Variants in GCSAML observed in about 807,000 individuals in gnomAD.
GCSAML encodes the protein germinal center-associated signaling and motility-like protein.
GCSAML carries 9 observed loss-of-function variants against 13.0 expected under a neutral mutation model. The ratio of observed to expected loss-of-function variants is 0.69; its 90% CI spans 0.42 to 1.21. The LOEUF is 1.21. Among genes scored for constraint, GCSAML ranks in the 50% most tolerant of loss-of-function variants. GCSAML has a pLI of 0.00. For synonymous variants in GCSAML, 37 were observed against 52.9 expected (o/e 0.70, Z 1.31); for missense variants, 143 against 153.4 (o/e 0.93, Z 0.36).
At chr1:247,545,412 T>C (rs1477120614), upstream of GCSAML, among the ~76,000 whole-genome samples, 1 of 152,214 alleles carries the variant, frequency 6.6e-6, no homozygotes, top group Non-Finnish European at 1.5e-5. Context: ...ACTGTCAGGA[T>C]TTATTTGTAA....
intron 2 of GCSAML, among the ~76,000 whole-genome samples, chr1:247,541,094 T>G (rs1667396343): frequency 6.6e-6 from 1 of 152,252 alleles, no homozygotes; most frequent in Non-Finnish European, 1.5e-5. Flanking sequence ...ATCCAGACAT[T>G]TCTTTACCCA....
chr1:247,553,896 T>C (rs1287393942), intron 1 of GCSAML, among the ~76,000 whole-genome samples: 1 of 152,254 alleles, frequency 6.6e-6, no homozygotes, highest in African/African-American at 2.4e-5. Context: ...TTTTTGCTAA[T>C]TACCTATCTT....
chr1:247,532,008 C>A (rs544163828), intron 2 of GCSAML: 1 of 1,614,086 alleles, frequency 6.2e-7, no homozygotes, highest in South Asian at 1.1e-5. Context: ...TCCCACACAG[C>A]GGTAGGAGCA....
In GCSAML at chr1:247,521,698, C is replaced by T. The variant is rs576420559; in HGVS notation, c.-262-5242C>T. 2.0e-5 allele frequency among the ~76,000 whole-genome samples: 3 copies of T among 152,354 alleles called. No homozygotes were observed. The East Asian group carries it at 5.8e-4, about 29-fold the overall frequency. On this transcript the variant is annotated intron_variant, in intron 1 of 5. Coordinates refer to the GCSAML transcript ENST00000366489. ...CACTCAGTGCTCAATGTTGCCCAGG[C>T]TGGAGCGCAGTGGCATGATCTCAGC...
At chr1:247,562,822 C>A (rs1168721192) in intron 2 of GCSAML, among the ~76,000 whole-genome samples, 2 of 144,840 alleles carry the variant, frequency 1.4e-5, no homozygotes, top group Admixed American at 6.9e-5. Context: ...CTGGCCCACA[C>A]TTATTTTTTT....
chr1:247,567,582 G>A (rs1668435473), intron 4 of GCSAML, among the ~76,000 whole-genome samples: 1 of 152,162 alleles, frequency 6.6e-6, no homozygotes, highest in Admixed American at 6.5e-5. Flanking sequence ...TAACATTGAT[G>A]GGCAGTTGAG....
intron 1 of GCSAML, chr1:247,525,281 A>G (rs1251638017): frequency 6.6e-6 from 1 of 152,226 alleles, no homozygotes; most frequent in African/African-American, 2.4e-5. Flanking sequence ...GTGTCCTTCA[A>G]TTCAGTTTTG....
chr1:247,559,228 A>G (rs1222978501), intron 2 of GCSAML, among the ~76,000 whole-genome samples: 1 of 152,222 alleles, frequency 6.6e-6, no homozygotes, highest in Non-Finnish European at 1.5e-5. Context: ...TGTCTGCTAG[A>G]GAAACATTAT....
intron 2 of GCSAML, chr1:247,531,185 C>T (rs953805809): frequency 2.1e-5 from 5 of 234,272 alleles, no homozygotes; most frequent in Non-Finnish European, 4.2e-5. Flanking sequence ...AGGCCGGCTC[C>T]GGTCTCCCCG....
At chr1:247,521,494 C>T (rs959183527) in intron 1 of GCSAML, among the ~76,000 whole-genome samples, 1 of 152,182 alleles carries the variant, frequency 6.6e-6, no homozygotes, top group Non-Finnish European at 1.5e-5. Context: ...GATTCTACTG[C>T]CTTAGCCTGC....
chr1:247,523,987 A>T (rs917974562), intron 1 of GCSAML, among the ~76,000 whole-genome samples: 1 of 117,866 alleles, frequency 8.5e-6, no homozygotes, highest in Non-Finnish European at 1.8e-5. Flanking sequence ...TTGGAAAACA[A>T]CATCTGTCTT....
At chr1:247,563,315 A>AT (rs1668209053) in intron 2 of GCSAML, among the ~76,000 whole-genome samples, 2 of 152,186 alleles carry the variant, frequency 1.3e-5, no homozygotes, top group African/African-American at 4.8e-5. Flanking sequence ...TATTATATGT[A>AT]TGTTTTCCAT....
intron 2 of GCSAML, among the ~76,000 whole-genome samples, chr1:247,541,569 A>G (rs967879667): frequency 1.3e-5 from 2 of 152,342 alleles, no homozygotes; most frequent in Admixed American, 6.5e-5. Flanking sequence ...TTTTCAAATC[A>G]AACTACAAGT....
At chr1:247,530,516 A>AGCC (rs753278779) in intron 2 of GCSAML, 1 of 58,572 alleles carries the variant, frequency 1.7e-5, no homozygotes, top group Non-Finnish European at 4.7e-5. Flanking sequence ...ACACCATGCC[A>AGCC]TCCCCCCCCC....
At chr1:247,573,481 G>GC (rs1341339351) in intron 4 of GCSAML, among the ~76,000 whole-genome samples, 2 of 152,102 alleles carry the variant, frequency 1.3e-5, no homozygotes, top group Non-Finnish European at 2.9e-5. Context: ...GTGAGGTGAT[G>GC]CCCCACCCTG....
intron 1 of GCSAML, among the ~76,000 whole-genome samples, chr1:247,515,712 A>G (rs2103302305): frequency 6.6e-6 from 1 of 152,284 alleles, no homozygotes; most frequent in South Asian, 2.1e-4. Context: ...GGTGCCACAC[A>G]CTTTTAAACA....
In GCSAML at chr1:247,531,401, A is replaced by G. The variant is rs1171312864; in HGVS notation, c.-148+4347A>G. 1.3e-5 allele frequency: 10 copies of G among 741,392 alleles called. No individual in the cohort carries two copies. The Admixed American group carries it at 2.6e-4, about 19-fold the overall frequency. The allele number at this position is 741,392 out of a possible 1,614,324, so 45.9% of individuals were successfully genotyped here. A position where few individuals can be genotyped will look rare whatever the true frequency, so the allele number is the denominator to read the frequency against. ...TAATAAATGTATTTTCTTGGTCTGGAAATGGCATGAGCACACTCCTTTCAG... is the reference window on the plus strand; with the variant it reads ...TAATAAATGTATTTTCTTGGTCTGGGAATGGCATGAGCACACTCCTTTCAG... On this transcript the variant is annotated intron_variant, in intron 2 of 5. Coordinates refer to the GCSAML transcript ENST00000366489.
At position 247,577,136 on chromosome 1, in the gene GCSAML, T is replaced by C. The variant is rs1365523692; in HGVS notation, c.*2754T>C. ...GAAGAACAATAGAATCATTGCTGTA[T>C]AAGTGCTTTTTAACCTGTAAATTTT... On this transcript the variant is annotated 3_prime_UTR_variant, in exon 5 of 5. Transcript: ENST00000366488. 1 of 152,222 alleles carries C rather than the reference T, an allele frequency of 6.6e-6. No homozygotes were observed. The highest frequency in any genetic ancestry group is 1.5e-5 in the Non-Finnish European group (1 of 68,034). The allele number at this position is 152,222 out of a possible 1,614,324, so 9.4% of individuals were successfully genotyped here. A position where few individuals can be genotyped will look rare whatever the true frequency, so the allele number is the denominator to read the frequency against.
At chr1:247,513,227 G>T (rs553505539) in intron 1 of GCSAML, among the ~76,000 whole-genome samples, 3 of 152,344 alleles carry the variant, frequency 2.0e-5, no homozygotes, top group African/African-American at 7.2e-5. Flanking sequence ...GCAATCTAGA[G>T]AGGCAGTCTG....
Sources: gnomAD v4.1 joint callset for allele counts (sites outside exome capture counted in the v4.1 genomes callset) on GRCh38, gnomAD v4.1.1 for gene constraint, MANE v1.5 for transcripts, NCBI Gene and HGNC (gene_info 2026-07-23, HGNC 2026-07-21) for gene names.